IFNGR2: variants seen among roughly 807,000 people sequenced by gnomAD.
IFNGR2 encodes the protein interferon gamma receptor 2, also known as IFN-gamma receptor 2.
In IFNGR2, 15 loss-of-function variants were observed where a neutral mutation model predicts 41.1. That is an observed-to-expected ratio of 0.37 (90% confidence interval 0.24 to 0.56). The LOEUF (loss-of-function observed/expected upper bound fraction) is 0.56, where lower values mean the gene tolerates loss of function less well. Among genes scored for constraint, IFNGR2 ranks in the 20% least tolerant of loss-of-function variants. IFNGR2 has a pLI of 0.81. For missense variants in IFNGR2, 362 were observed against 415.7 expected, an observed-to-expected ratio of 0.87 and a Z score of 1.12; for synonymous variants, 161 against 171.6, an observed-to-expected ratio of 0.94 and a Z score of 0.48.
chr21:33,426,916 A>G lies in IFNGR2; in HGVS notation c.445A>G (p.Thr149Ala), dbSNP rs751606664. The change falls in exon 4 of 7, where the codon ACC (threonine) becomes GCC (alanine). Residue 149 changes from threonine (T) to alanine (A), a missense_variant. Coordinates refer to ENST00000290219, the MANE Select transcript of IFNGR2 (RefSeq NM_005534.4). ...CGGGCCTCCAGAAAACATTGAGGTG[A>G]CCCCAGGAGAAGGCTCCCTCATCAT... ...TVGPPENIEV[T>A]PGEGSLIIRF... 21 of 1,613,422 alleles carry G rather than the reference A, an allele frequency of 1.3e-5. No individual in the cohort carries two copies. Among genetic ancestry groups the G allele is most frequent in the South Asian group, 3.3e-5 (3 of 91,050 alleles).
At chr21:33,417,982 A>G (rs1568954817) in intron 2 of IFNGR2, among the ~76,000 whole-genome samples, 1 of 151,622 alleles carries the variant, frequency 6.6e-6, no homozygotes, top group Non-Finnish European at 1.5e-5. Flanking sequence ...AGCATTTTAT[A>G]GATATTTTCT....
In IFNGR2 at chr21:33,426,532, C is replaced by G. The variant is rs118015414; in HGVS notation, c.413-352C>G. On this transcript the variant is annotated intron_variant, in intron 3 of 6. Coordinates refer to ENST00000290219, the MANE Select transcript of IFNGR2 (RefSeq NM_005534.4). ...AGGAGTTCGAGAACAGCCTGGCCAA[C>G]ATGATGATACCCTGTTTCTTCTAAA... Among the ~76,000 whole-genome samples the G allele has an allele frequency of 2.8e-3, 431 of 151,948 alleles. 18 individuals are homozygous for G. In the East Asian group the frequency reaches 0.075, roughly 26 times the overall value.
chr21:33,417,178 A>G (rs919419859), intron 2 of IFNGR2, among the ~76,000 whole-genome samples: 4 of 151,776 alleles, frequency 2.6e-5, no homozygotes, highest in African/African-American at 9.7e-5. Context: ...TGCAGCCACA[A>G]TTTCCTGGCT....
chr21:33,436,885 A>G lies in IFNGR2; in HGVS notation c.937A>G (p.Lys313Glu). ...LEALDKDSSP[K>E]DDVWDSVSII... ...GGCCTTGGACAAGGACAGCTCACCA[A>G]AGGATGACGTCTGGGACTCTGTGTC... Residue 313 changes from lysine to glutamate, a missense_variant, in exon 7 of 7, where the codon AAG becomes GAG. Lys to Glu is a moderately conservative substitution (Grantham distance 56). Coordinates refer to ENST00000290219, the MANE Select transcript of IFNGR2 (RefSeq NM_005534.4). 1 of 1,614,010 alleles carries G rather than the reference A, an allele frequency of 6.2e-7. No individual in the cohort carries two copies. Among genetic ancestry groups the G allele is most frequent in the Non-Finnish European group, 8.5e-7 (1 of 1,179,894 alleles).
chr21:33,412,755 C>G (rs2083726156), intron 1 of IFNGR2, among the ~76,000 whole-genome samples: 1 of 152,120 alleles, frequency 6.6e-6, no homozygotes, highest in Non-Finnish European at 1.5e-5. Context: ...AGGGTTTCAC[C>G]ATGTTGGCCA....
At chr21:33,408,636 G>A (rs1601067034) in intron 1 of IFNGR2, among the ~76,000 whole-genome samples, 1 of 152,180 alleles carries the variant, frequency 6.6e-6, no homozygotes, top group African/African-American at 2.4e-5. Context: ...GTTTGGCCCT[G>A]AGTGTATAAA....
At chr21:33,434,483 T>C (rs1402256228) in intron 6 of IFNGR2, among the ~76,000 whole-genome samples, 1 of 152,070 alleles carries the variant, frequency 6.6e-6, no homozygotes, top group Non-Finnish European at 1.5e-5. Flanking sequence ...TATCGCACCA[T>C]AGCACTTTAG....
intron 3 of IFNGR2, among the ~76,000 whole-genome samples, chr21:33,424,005 A>G (rs1225676871): frequency 1.3e-5 from 2 of 152,062 alleles, no homozygotes; most frequent in African/African-American, 4.8e-5. Flanking sequence ...AGGAGTATGC[A>G]AACAAGTAAT....
chr21:33,437,010 A>G lies in IFNGR2; in HGVS notation c.*48A>G, dbSNP rs757290352. ...CTGGCTCCCTGGAAGAGATCAAGCC[A>G]TCGGAGCTGCTAGAGTTCTGTCTGG... On this transcript the variant is annotated 3_prime_UTR_variant, in exon 7 of 7. Transcript: ENST00000290219. 7 of 1,606,248 alleles carry G rather than the reference A, an allele frequency of 4.4e-6. No homozygotes were observed. The highest frequency in any genetic ancestry group is 1.7e-4 in the Middle Eastern group (1 of 5,958).
At position 33,432,815 on chromosome 21, in the gene IFNGR2, G is replaced by A; in HGVS notation, c.823G>A (p.Gly275Ser). 1 of 1,613,792 alleles carries A rather than the reference G, an allele frequency of 6.2e-7. No individual in the cohort carries two copies. Among genetic ancestry groups the A allele is most frequent in the Non-Finnish European group, 8.5e-7 (1 of 1,179,844 alleles). The change falls in exon 6 of 7, where the codon GGC becomes AGC. Residue 275 changes from glycine (G) to serine (S), a missense_variant. Physicochemically the swap from Gly to Ser is moderately conservative, Grantham distance 56. Transcript: ENST00000290219. Reference protein sequence around the residue: ...ACFFLVLKYRGLIKYWFHTPP... With the variant: ...ACFFLVLKYRSLIKYWFHTPP... ...TTTCTTCCTGGTCCTGAAATATAGA[G>A]GCCTGATTAAATACTGGTTTCACAC...
chr21:33,433,021 T>G, intron 6 of IFNGR2, 150 bp downstream of exon 6: 5 of 705,070 alleles, frequency 7.1e-6, no homozygotes, highest in South Asian at 3.3e-5. Context: ...GAGTAGCTGG[T>G]ATTACAAGTG....
At chr21:33,429,347 A>ATTTC in intron 4 of IFNGR2, among the ~76,000 whole-genome samples, 1 of 2,800 alleles carries the variant, frequency 3.6e-4, no homozygotes, top group South Asian at 0.015. Context: ...TCACACTCTG[A>ATTTC]TTTCGTTTTG....
chr21:33,432,465 G>A, intron 5 of IFNGR2, 129 bp downstream of exon 5: 1 of 968,516 alleles, frequency 1.0e-6, no homozygotes, highest in Non-Finnish European at 1.7e-6. Context: ...GTGCTGAACT[G>A]CAGGAATAAT....
Position 33,429,259 on chromosome 21 carries a change from C to A in IFNGR2, c.561+2227C>A, listed in dbSNP as rs528594995. 4.6e-5 allele frequency among the ~76,000 whole-genome samples: 7 copies of A among 152,174 alleles called. 1 individual carries two copies. Among genetic ancestry groups the A allele is most frequent in the Admixed American group, 4.6e-4 (7 of 15,272 alleles). On this transcript the variant is annotated intron_variant, in intron 4 of 6. Transcript: ENST00000290219. The stretch of plus-strand genomic sequence containing the variant: ...GAAAGCCACCAATGTGATCTTTGTT[C>A]CAGCTGTGAGTCTGTGTGTTAGGGT...
At chr21:33,407,846 A>C (rs868322023) in intron 1 of IFNGR2, among the ~76,000 whole-genome samples, 2,894 of 85,468 alleles carry the variant, frequency 0.034, no homozygotes, top group Admixed American at 0.04. Context: ...TCCCCACCGC[A>C]CCCCCCCCCG....
chr21:33,410,765 T>G (rs1244243073), intron 1 of IFNGR2: 2 of 1,059,724 alleles, frequency 1.9e-6, no homozygotes, highest in Non-Finnish European at 2.9e-6. Context: ...ACCACGCCCA[T>G]CCAATTAGAA....
intron 3 of IFNGR2, among the ~76,000 whole-genome samples, chr21:33,426,281 C>T (rs139841166): frequency 3.1e-4 from 47 of 152,006 alleles, no homozygotes; most frequent in African/African-American, 1.1e-3. Context: ...GGTATGGTGG[C>T]GTGTGCCTGT....
chr21:33,425,140 G>C (rs749904078), intron 3 of IFNGR2, among the ~76,000 whole-genome samples: 1 of 152,136 alleles, frequency 6.6e-6, no homozygotes, highest in Non-Finnish European at 1.5e-5. Flanking sequence ...GACTGGTCTT[G>C]AACTCCTGAC....
At chr21:33,407,611 T>G (rs2083685442) in intron 1 of IFNGR2, among the ~76,000 whole-genome samples, 1 of 152,236 alleles carries the variant, frequency 6.6e-6, no homozygotes, top group African/African-American at 2.4e-5. Flanking sequence ...TGTTGTTGTT[T>G]TTGAGACGGA....
Sources: allele counts gnomAD v4.1 joint callset (sites outside exome capture counted in the v4.1 genomes callset), GRCh38; gene constraint gnomAD v4.1.1; transcripts MANE v1.5; gene names NCBI Gene and HGNC (gene_info 2026-07-23, HGNC 2026-07-21).